The following IL1RAPL2 variants were observed in gnomAD, a reference collection of about 807,000 sequenced individuals.
The protein encoded by IL1RAPL2 is X-linked interleukin-1 receptor accessory protein-like 2.
IL1RAPL2 carries 3 observed loss-of-function variants against 44.1 expected under a neutral mutation model. That is an observed-to-expected ratio of 0.07 (90% CI 0.03 to 0.18). The LOEUF (loss-of-function observed/expected upper bound fraction) is 0.18, where lower values mean the gene tolerates loss of function less well. Among genes scored for constraint, IL1RAPL2 ranks in the 10% least tolerant of loss-of-function variants. IL1RAPL2 has a pLI of 1.00. For synonymous variants in IL1RAPL2, 181 were observed against 178.8 expected, an observed-to-expected ratio of 1.01 and a Z score of -0.10; for missense variants, 391 against 496.4, an observed-to-expected ratio of 0.79 and a Z score of 2.02.
At chrX:104,787,337 CTG>C (rs1198306860) in intron 2 of IL1RAPL2, among the ~76,000 whole-genome samples, 1 of 111,578 alleles carries the variant, frequency 9.0e-6, no homozygotes, top group Admixed American at 9.5e-5. Flanking sequence ...CCATGCAGTA[CTG>C]TGATTATGTG....
intron 2 of IL1RAPL2, among the ~76,000 whole-genome samples, chrX:104,919,958 A>G (rs752719258): frequency 9.0e-6 from 1 of 110,925 alleles, no homozygotes; most frequent in Non-Finnish European, 1.9e-5. Flanking sequence ...TATGTCCTGC[A>G]TGGAGGCCTC....
chrX:104,778,653 T>C (rs1408992899), intron 2 of IL1RAPL2, among the ~76,000 whole-genome samples: 1 of 86,391 alleles, frequency 1.2e-5, no homozygotes, highest in African/African-American at 3.5e-5. Context: ...AGACTCTGCT[T>C]TCAATTATTA....
chrX:105,678,181 T>TGAG (rs1347679772), intron 6 of IL1RAPL2, among the ~76,000 whole-genome samples: 1 of 112,197 alleles, frequency 8.9e-6, no homozygotes, highest in African/African-American at 3.2e-5. Context: ...ACATAAAATA[T>TGAG]GAGTAACACA....
At chrX:104,680,633 A>C (rs930238892) in intron 2 of IL1RAPL2, among the ~76,000 whole-genome samples, 11 of 111,540 alleles carry the variant, frequency 9.9e-5, no homozygotes, top group Non-Finnish European at 1.7e-4. Flanking sequence ...TTAAAAAAAA[A>C]CACTAAAATT....
At chrX:104,568,634 G>T (rs1459907718) in intron 1 of IL1RAPL2, among the ~76,000 whole-genome samples, 1 of 111,659 alleles carries the variant, frequency 9.0e-6, no homozygotes, top group African/African-American at 3.3e-5. Flanking sequence ...TTGCCAGCAG[G>T]GTCTCGGATA....
chrX:105,241,007 A>G (rs890053846), intron 4 of IL1RAPL2, among the ~76,000 whole-genome samples: 3 of 111,281 alleles, frequency 2.7e-5, no homozygotes, highest in Non-Finnish European at 3.8e-5. Context: ...AGAGCGCACC[A>G]CTGCACTACG....
At chrX:104,637,281 T>A (rs978618172) in intron 1 of IL1RAPL2, among the ~76,000 whole-genome samples, 1 of 111,328 alleles carries the variant, frequency 9.0e-6, no homozygotes, top group Admixed American at 9.5e-5. Context: ...ACTATTTGAC[T>A]TCCTCTGTTC....
intron 6 of IL1RAPL2, among the ~76,000 whole-genome samples, chrX:105,714,299 G>A (rs1286966687): frequency 9.0e-6 from 1 of 111,192 alleles, no homozygotes; most frequent in Non-Finnish European, 1.9e-5. Context: ...TTCTCTTTAT[G>A]GTCTGTCCAC....
chrX:104,585,385 ATT>A (rs1491512668), intron 1 of IL1RAPL2, among the ~76,000 whole-genome samples: 3 of 27,867 alleles, frequency 1.1e-4, no homozygotes, highest in South Asian at 1.3e-3. Flanking sequence ...TATAATATAT[ATT>A]ATATATAATA....
chrX:105,350,938 AC>A (rs2035148714), intron 5 of IL1RAPL2, among the ~76,000 whole-genome samples: 3 of 112,086 alleles, frequency 2.7e-5, no homozygotes, highest in South Asian at 7.3e-4. Flanking sequence ...ATGAAAAAAA[AC>A]AACCCCATCA....
chrX:105,274,304 A>C (rs1165294615), intron 5 of IL1RAPL2, among the ~76,000 whole-genome samples: 1 of 112,193 alleles, frequency 8.9e-6, no homozygotes, highest in Non-Finnish European at 1.9e-5. Flanking sequence ...GAAAAAAGCA[A>C]GGAAAAGTGA....
In IL1RAPL2 at chrX:104,583,005, A is replaced by C. The variant is rs1368425786; in HGVS notation, c.-20+15954A>C. Among the ~76,000 whole-genome samples the C allele has an allele frequency of 3.4e-4, 36 of 107,411 alleles. No individual in the cohort carries two copies. The Admixed American group carries it at 3.7e-3, about 11-fold the overall frequency. The allele number at this position is 107,411 out of a possible 115,157, so 93.3% of individuals were successfully genotyped here. ...CAGGTTCAAGTGATTCTCCTGCCTC[A>C]GCCTCCCTAGTAGCTGAGATTACAA... On this transcript the variant is annotated intron_variant, in intron 1 of 10. Coordinates refer to ENST00000372582, the MANE Select transcript of IL1RAPL2 (RefSeq NM_017416.2).
chrX:104,677,471 C>G (rs998033671), intron 2 of IL1RAPL2, among the ~76,000 whole-genome samples: 1 of 110,924 alleles, frequency 9.0e-6, no homozygotes, highest in African/African-American at 3.3e-5. Context: ...TCTCCAGCTG[C>G]GTGCTGGGAG....
At chrX:104,718,418 G>C (rs186233543) in intron 2 of IL1RAPL2, among the ~76,000 whole-genome samples, 1 of 110,934 alleles carries the variant, frequency 9.0e-6, no homozygotes, top group African/African-American at 3.3e-5. Context: ...CCCATATGTC[G>C]ACTTGTCTTC....
At chrX:104,797,590 A>T (rs1237772787) in intron 2 of IL1RAPL2, among the ~76,000 whole-genome samples, 1 of 111,857 alleles carries the variant, frequency 8.9e-6, no homozygotes, top group African/African-American at 3.3e-5. Flanking sequence ...CATTTCATAA[A>T]CTTATTTCCT....
At chrX:105,441,857 T>C (rs2035922575) in intron 5 of IL1RAPL2, among the ~76,000 whole-genome samples, 1 of 110,389 alleles carries the variant, frequency 9.1e-6, no homozygotes, top group Non-Finnish European at 1.9e-5. Context: ...GGTATGAGTT[T>C]CTGTGGGACC....
At chrX:105,136,099 G>T (rs896587667) in intron 2 of IL1RAPL2, among the ~76,000 whole-genome samples, 1 of 112,024 alleles carries the variant, frequency 8.9e-6, no homozygotes, top group Non-Finnish European at 1.9e-5. Flanking sequence ...AAAGAAGATA[G>T]TGTTTTGTGA....
At chrX:104,645,915 G>A (rs1930029462) in intron 1 of IL1RAPL2, among the ~76,000 whole-genome samples, 1 of 112,352 alleles carries the variant, frequency 8.9e-6, no homozygotes, top group Non-Finnish European at 1.9e-5. Context: ...TGCCAATATG[G>A]TCTAGTTAAA....
chrX:105,315,267 A>T (rs1304363725), intron 5 of IL1RAPL2, among the ~76,000 whole-genome samples: 1 of 110,019 alleles, frequency 9.1e-6, no homozygotes, highest in African/African-American at 3.3e-5. Flanking sequence ...ACCCTGACAG[A>T]AAGTGGTAAT....
Sources: gnomAD v4.1 joint callset for allele counts (sites outside exome capture counted in the v4.1 genomes callset) on GRCh38, gnomAD v4.1.1 for gene constraint, MANE v1.5 for transcripts, NCBI Gene and HGNC (gene_info 2026-07-23, HGNC 2026-07-21) for gene names.